GDI2: variants seen among roughly 807,000 people sequenced by gnomAD.
GDI2 encodes the protein rab GDP dissociation inhibitor beta.
Under a neutral mutation model 54.2 loss-of-function variants are expected in GDI2, and 22 were observed. The observed-to-expected ratio is 0.41, with a 90% confidence interval of 0.29 to 0.58. The LOEUF (loss-of-function observed/expected upper bound fraction) is 0.58, where lower values mean the gene tolerates loss of function less well. GDI2 is among the 20% of genes least tolerant of loss of function. GDI2 has a pLI of 0.35. For synonymous variants in GDI2, 177 were observed against 182.1 expected (o/e 0.97, Z 0.23); for missense variants, 422 against 546.0 (o/e 0.77, Z 2.26).
chr10:5,782,685 G>A (rs748610759), intron 6 of GDI2, among the ~76,000 whole-genome samples: 16 of 152,174 alleles, frequency 1.1e-4, no homozygotes, highest in Non-Finnish European at 1.8e-4. Context: ...TGTAATCCCA[G>A]CACATTGGGA....
At position 5,774,245 on chromosome 10, in the gene GDI2, G is replaced by C. The variant is rs562735757; in HGVS notation, c.720-304C>G. On this transcript the variant is annotated intron_variant, in intron 6 of 10. Coordinates refer to ENST00000380191, the MANE Select transcript of GDI2 (RefSeq NM_001494.4). This position sits in a 1 kb window ranked among gnomAD's most constrained non-coding sequence, Gnocchi z 4.8. ...CCTGCCCTAAAGCTTTTCAATAAAC[G>C]TCCACTCCTGCTCTAAAACTTGCCT... Among the ~76,000 whole-genome samples the C allele has an allele frequency of 6.6e-6, 1 of 151,762 alleles. No individual in the cohort carries two copies. Among genetic ancestry groups the C allele is most frequent in the African/African-American group, 2.4e-5 (1 of 41,276 alleles).
intron 1 of GDI2, among the ~76,000 whole-genome samples, chr10:5,812,701 G>C (rs1405074150): frequency 6.6e-6 from 1 of 152,240 alleles, no homozygotes; most frequent in African/African-American, 2.4e-5. Context: ...TCAAGCCCTA[G>C]CAGTTCCGAA....
intron 1 of GDI2, among the ~76,000 whole-genome samples, chr10:5,806,057 A>G (rs1456940043): frequency 2.0e-5 from 3 of 152,348 alleles, no homozygotes; most frequent in South Asian, 4.1e-4. Context: ...TTTCTGTTAT[A>G]TATCAAGAAG....
intron 2 of GDI2, 60 bp downstream of exon 2, chr10:5,800,538 G>A: frequency 1.2e-6 from 1 of 831,494 alleles, no homozygotes; most frequent in South Asian, 1.3e-5. Context: ...ATAAGGTAGA[G>A]ATTCACAAGT....
chr10:5,773,712 T>G, intron 7 of GDI2, 130 bp downstream of exon 7: 1 of 627,696 alleles, frequency 1.6e-6, no homozygotes, highest in Non-Finnish European at 2.8e-6. Context: ...AATTAGTCCT[T>G]AGTCACAATA....
At chr10:5,809,782 G>T (rs1174301820) in intron 1 of GDI2, among the ~76,000 whole-genome samples, 1 of 152,198 alleles carries the variant, frequency 6.6e-6, no homozygotes, top group Non-Finnish European at 1.5e-5. Context: ...AGGGAAGACA[G>T]AGGTAATTGC....
chr10:5,768,370 C>G lies in GDI2; in HGVS notation c.834G>C (p.Lys278Asn). The change falls in exon 8 of 11, where the codon AAG (lysine) becomes AAC (asparagine). Residue 278 changes from lysine to asparagine, a missense_variant. By Grantham distance (94) the Lys-to-Asn change is moderately conservative. Coordinates refer to ENST00000380191, the MANE Select transcript of GDI2 (RefSeq NM_001494.4). The surrounding 1 kb of genome is among the most constrained non-coding windows in gnomAD (Gnocchi z 4.4). ...VKSEGEIARC[K>N]QLICDPSYVK... ...CGTAGCTGGGGTCACAGATGAGCTG[C>G]TTACAGCGAGCAATCTATAACAAAG... is the stretch of plus-strand genomic sequence containing the variant. 6.2e-7 allele frequency: 1 copy of G among 1,612,040 alleles called. No homozygotes were observed. The highest frequency in any genetic ancestry group is 8.5e-7 in the Non-Finnish European group (1 of 1,178,058).
rs751268014 is a variant in GDI2 at position 5,774,897 on chromosome 10, G to GAAGGGC, written c.720-962_720-957dup. Among the ~76,000 whole-genome samples, 28 of 152,268 alleles carry GAAGGGC rather than the reference G, an allele frequency of 1.8e-4. No homozygotes were observed. Among genetic ancestry groups the GAAGGGC allele is most frequent in the South Asian group, 4.1e-4 (2 of 4,830 alleles). ...TCTGGATTCACACCCAGGGGAAGGG[G>GAAGGGC]AAGGGCAAGGGCAAGGGCAAGGCCA... On this transcript the variant is annotated intron_variant, in intron 6 of 10. Transcript: ENST00000380191. The surrounding 1 kb of genome is among the most constrained non-coding windows in gnomAD (Gnocchi z 4.8).
At chr10:5,775,548 GA>G (rs1354193363) in intron 6 of GDI2, among the ~76,000 whole-genome samples, 6 of 152,118 alleles carry the variant, frequency 3.9e-5, no homozygotes, top group Admixed American at 1.3e-4. Context: ...AATTGTAGGG[GA>G]AAGTTTCACA....
intron 8 of GDI2, among the ~76,000 whole-genome samples, chr10:5,767,015 G>A (rs1404769570): frequency 6.6e-6 from 1 of 152,184 alleles, no homozygotes; most frequent in Non-Finnish European, 1.5e-5. Context: ...GATGTACTTA[G>A]TACTGACGTC....
intron 7 of GDI2, among the ~76,000 whole-genome samples, chr10:5,772,195 C>G (rs1358902819): frequency 6.6e-6 from 1 of 152,186 alleles, no homozygotes; most frequent in African/African-American, 2.4e-5. Flanking sequence ...AGATGGAAGA[C>G]AGTGATACTG....
intron 4 of GDI2, among the ~76,000 whole-genome samples, chr10:5,789,578 T>G (rs913350439): frequency 6.6e-6 from 1 of 152,176 alleles, no homozygotes; most frequent in African/African-American, 2.4e-5. Flanking sequence ...CACAGCAACA[T>G]GCCCAGCAGA....
chr10:5,775,778 T>C (rs907234878), intron 6 of GDI2, among the ~76,000 whole-genome samples: 1 of 152,220 alleles, frequency 6.6e-6, no homozygotes, highest in African/African-American at 2.4e-5. Context: ...GGAGCTTGCT[T>C]ACTCCAGAGG....
intron 8 of GDI2, among the ~76,000 whole-genome samples, chr10:5,767,093 G>A (rs888933756): frequency 1.3e-5 from 2 of 151,960 alleles, no homozygotes; most frequent in Non-Finnish European, 2.9e-5. Context: ...TTGGCATAAC[G>A]ATAGAATTCT....
intron 2 of GDI2, among the ~76,000 whole-genome samples, chr10:5,799,004 A>C (rs1841206440): frequency 6.6e-6 from 1 of 152,024 alleles, no homozygotes; most frequent in African/African-American, 2.4e-5. Flanking sequence ...AATAAAACAA[A>C]ATTAAGAAAA....
chr10:5,771,560 A>G (rs187499352), intron 7 of GDI2, among the ~76,000 whole-genome samples: 28 of 152,318 alleles, frequency 1.8e-4, no homozygotes, highest in Non-Finnish European at 2.8e-4. Context: ...ATGGTGTAAA[A>G]AAGTCTGTCA....
chr10:5,796,183 G>A (rs1588983441), intron 3 of GDI2, among the ~76,000 whole-genome samples: 1 of 151,522 alleles, frequency 6.6e-6, no homozygotes, highest in Non-Finnish European at 1.5e-5. Context: ...AACCCTGTCT[G>A]TACTAAAAAT....
In GDI2 at chr10:5,794,231, AT is replaced by A. The variant is rs1243171543; in HGVS notation, c.388+653del. On this transcript the variant is annotated intron_variant, in intron 4 of 10. Coordinates refer to ENST00000380191, the MANE Select transcript of GDI2 (RefSeq NM_001494.4). Reference sequence around the variant, plus strand: ...TATATATATATATATATATATATATATAAAACTCACCAGGAGTTCCTAAAAT... The same window carrying A: ...TATATATATATATATATATATATATAAAAACTCACCAGGAGTTCCTAAAAT... Among the ~76,000 whole-genome samples the A allele has an allele frequency of 9.3e-4, 117 of 125,696 alleles. 2 individuals carry two copies. Among genetic ancestry groups the A allele is most frequent in the South Asian group, 2.6e-3 (10 of 3,776 alleles). 82.5% of individuals were successfully genotyped at this position (125,696 alleles called of 152,430 possible). A position where few individuals can be genotyped will look rare whatever the true frequency, so the allele number is the denominator to read the frequency against.
At chr10:5,800,082 T>C (rs915076108) in intron 2 of GDI2, among the ~76,000 whole-genome samples, 5 of 152,234 alleles carry the variant, frequency 3.3e-5, no homozygotes, top group Non-Finnish European at 7.3e-5. Context: ...TCCATATACG[T>C]AGGTGTTCAA....
Sources: gnomAD v4.1 joint callset for allele counts (sites outside exome capture counted in the v4.1 genomes callset) on GRCh38, gnomAD v4.1.1 for gene constraint, Gnocchi (gnomAD v3.1) non-coding constraint, MANE v1.5 for transcripts, NCBI Gene and HGNC (gene_info 2026-07-23, HGNC 2026-07-21) for gene names.